LAMA3: variants seen among roughly 807,000 people sequenced by gnomAD.
LAMA3 encodes the protein laminin subunit alpha 3.
In LAMA3, 281 loss-of-function variants were observed where a neutral mutation model predicts 402.0. The ratio of observed to expected loss-of-function variants is 0.70; its 90% CI spans 0.63 to 0.77. LAMA3 has a LOEUF of 0.77. Ranked by LOEUF, LAMA3 falls within the 30% of genes least tolerant of loss-of-function variation. LAMA3 has a pLI of 0.00. For synonymous variants in LAMA3, 1,431 were observed against 1,558.4 expected, an observed-to-expected ratio of 0.92 and a Z score of 1.93; for missense variants, 3,840 against 4,215.5, an observed-to-expected ratio of 0.91 and a Z score of 2.47.
chr18:23,912,884 A>G lies in LAMA3; in HGVS notation c.7329+3A>G, dbSNP rs1254975133. 1.2e-6 allele frequency: 2 copies of G among 1,611,924 alleles called. No individual in the cohort carries two copies. The highest frequency in any genetic ancestry group is 1.3e-5 in the African/African-American group (1 of 74,918). On this transcript the variant is annotated splice_donor_region_variant and intron_variant, in intron 56 of 74. Coordinates refer to ENST00000313654, the MANE Select transcript of LAMA3 (RefSeq NM_198129.4). ...TGATGTACCTTGGAAATAAAGATGTAAGTATTGCTTGGACATCTCTCTTGT... is the reference window on the plus strand; with the variant it reads ...TGATGTACCTTGGAAATAAAGATGTGAGTATTGCTTGGACATCTCTCTTGT...
At chr18:23,751,194 T>G (rs549308329) in intron 5 of LAMA3, 106 bp downstream of exon 5, 18 of 1,065,494 alleles carry the variant, frequency 1.7e-5, no homozygotes, top group Non-Finnish European at 2.6e-5. Flanking sequence ...CCTGTAATGA[T>G]GTAGGTGTGG....
intron 51 of LAMA3, among the ~76,000 whole-genome samples, chr18:23,904,973 C>G (rs2081195356): frequency 6.6e-6 from 1 of 152,180 alleles, no homozygotes; most frequent in East Asian, 1.9e-4. Context: ...ACCAGGTATG[C>G]TTCTATGCTG....
Position 23,827,315 on chromosome 18 carries a change from T to C in LAMA3, c.2671T>C (p.Cys891Arg). ...CCATTGTTGTTGCTGTTGTTGAAGT[T>C]GCTTACTCTACCAGCATTTGCCAGT... ...CAYAGPPQEN[C>R]LLYQHLPVTR... The change falls in exon 23 of 75, where the codon TGC becomes CGC. Residue 891 changes from cysteine to arginine, a missense_variant and splice_region_variant. Physicochemically the swap from Cys to Arg is radical, Grantham distance 180. Around this residue, in one of 3 missense-constraint regions of LAMA3, gnomAD observed 2,109 missense variants for 2,376.0 expected, o/e 0.89. Coordinates refer to ENST00000313654, the MANE Select transcript of LAMA3 (RefSeq NM_198129.4). 1 of 1,614,208 alleles carries C rather than the reference T, an allele frequency of 6.2e-7. No homozygotes were observed. The highest frequency in any genetic ancestry group is 8.5e-7 in the Non-Finnish European group (1 of 1,180,020).
At chr18:23,710,481 C>T (rs549371902) in intron 1 of LAMA3, among the ~76,000 whole-genome samples, 1 of 152,290 alleles carries the variant, frequency 6.6e-6, no homozygotes, top group African/African-American at 2.4e-5. Context: ...AGCATGTCCA[C>T]GTCGACTTAA....
At chr18:23,895,686 T>C (rs1304350321) in intron 44 of LAMA3, among the ~76,000 whole-genome samples, 1 of 152,232 alleles carries the variant, frequency 6.6e-6, no homozygotes, top group Non-Finnish European at 1.5e-5. Context: ...TTATGACTTA[T>C]CTCTTTCTCT....
chr18:23,729,962 C>T (rs1034524922), intron 2 of LAMA3, among the ~76,000 whole-genome samples: 4 of 152,244 alleles, frequency 2.6e-5, no homozygotes, highest in African/African-American at 9.6e-5. Context: ...CTGTCCCTCT[C>T]GCAGGATGCT....
At chr18:23,855,623 T>C (rs1410915558) in intron 32 of LAMA3, among the ~76,000 whole-genome samples, 2 of 152,188 alleles carry the variant, frequency 1.3e-5, no homozygotes, top group South Asian at 2.1e-4. Context: ...TGTGTGTATA[T>C]GAGAATGAGT....
rs2063342475 is a variant in LAMA3 at position 23,824,436 on chromosome 18, C to G, written c.2442C>G (p.Ser814Arg). The change falls in exon 21 of 75, where the codon AGC becomes AGG. Residue 814 changes from serine (S) to arginine (R), a missense_variant. This residue lies in a region of LAMA3 where 2,109 missense variants were observed against 2,376.0 expected (regional missense o/e 0.89). Transcript: ENST00000313654. ...TIYPSWGAAQ[S>R]KEIIFLPSKE... Reference sequence around the variant, plus strand: ...TATTTCTGATAGGTGCTGCTCAAAGCAAAGAGATCATCTTCCTGCCGAGTA... The same window carrying G: ...TATTTCTGATAGGTGCTGCTCAAAGGAAAGAGATCATCTTCCTGCCGAGTA... 1 of 1,614,108 alleles carries G rather than the reference C, an allele frequency of 6.2e-7. No individual in the cohort carries two copies. The highest frequency in any genetic ancestry group is 8.5e-7 in the Non-Finnish European group (1 of 1,179,970).
intron 27 of LAMA3, among the ~76,000 whole-genome samples, chr18:23,840,631 C>G (rs577228413): frequency 1.3e-5 from 2 of 151,934 alleles, no homozygotes; most frequent in East Asian, 3.9e-4. Flanking sequence ...TTTTGTATCC[C>G]CCACTGCACC....
chr18:23,835,429 A>G (rs1271155657), intron 24 of LAMA3, among the ~76,000 whole-genome samples: 1 of 152,206 alleles, frequency 6.6e-6, no homozygotes, highest in Non-Finnish European at 1.5e-5. Context: ...CTTTCTGGGC[A>G]CCATGGGTGT....
At chr18:23,893,126 G>T (rs1399665846) in intron 42 of LAMA3, among the ~76,000 whole-genome samples, 1 of 152,108 alleles carries the variant, frequency 6.6e-6, no homozygotes, top group Non-Finnish European at 1.5e-5. Flanking sequence ...TAAAATGTCT[G>T]TATATACACA....
chr18:23,903,191 G>C, intron 49 of LAMA3, 66 bp downstream of exon 49: 1 of 981,344 alleles, frequency 1.0e-6, no homozygotes, highest in Non-Finnish European at 1.7e-6. Flanking sequence ...AGAAAACAAT[G>C]AAATGGGCTG....
chr18:23,846,136 G>C (rs568071167), intron 30 of LAMA3, among the ~76,000 whole-genome samples, 161 bp from the exon 31 acceptor site: 1 of 152,072 alleles, frequency 6.6e-6, no homozygotes, highest in Non-Finnish European at 1.5e-5. Context: ...GGCTGTCACC[G>C]GCTGAGTCTG....
At chr18:23,765,739 A>G (rs746296290) in intron 8 of LAMA3, among the ~76,000 whole-genome samples, 1 of 151,986 alleles carries the variant, frequency 6.6e-6, no homozygotes, top group Non-Finnish European at 1.5e-5. Flanking sequence ...TGAAAAGATA[A>G]TAAATATCAG....
Position 23,951,942 on chromosome 18 carries a change from C to T in LAMA3, c.9736+165C>T, listed in dbSNP as rs11873358. On this transcript the variant is annotated intron_variant, in intron 73 of 74. Coordinates refer to ENST00000313654, the MANE Select transcript of LAMA3 (RefSeq NM_198129.4). ...CACAACCCCAGCCATGCTTCCGTCACTCATGGTTGCCACCTCCAGTTCTCC... is the reference window on the plus strand; with the variant it reads ...CACAACCCCAGCCATGCTTCCGTCATTCATGGTTGCCACCTCCAGTTCTCC... Among the ~76,000 whole-genome samples the T allele has an allele frequency of 0.51, 78,098 of 152,122 alleles. 22,808 individuals carry two copies. Among genetic ancestry groups the T allele is most frequent in the Non-Finnish European group, 0.67 (45,841 of 67,988 alleles).
Position 23,916,403 on chromosome 18 carries a change from A to G in LAMA3, c.7779-148A>G. The G allele has an allele frequency of 4.7e-6, 4 of 846,142 alleles. No homozygotes were observed. In the Admixed American group the frequency reaches 7.3e-5, roughly 15 times the overall value. 52.4% of individuals were successfully genotyped at this position (846,142 alleles called of 1,614,324 possible). ...AGCTGGCTGCCTTAACATTTTAAAGATGTCTCCTCTGCTTTAACAAAATTA... is the reference window on the plus strand; with the variant it reads ...AGCTGGCTGCCTTAACATTTTAAAGGTGTCTCCTCTGCTTTAACAAAATTA... On this transcript the variant is annotated intron_variant, in intron 59 of 74. Transcript: ENST00000313654.
At chr18:23,770,786 A>C (rs1332931238) in intron 8 of LAMA3, among the ~76,000 whole-genome samples, 3 of 152,096 alleles carry the variant, frequency 2.0e-5, no homozygotes, top group Non-Finnish European at 2.9e-5. Flanking sequence ...CAAAACAAAA[A>C]AAAGAGCTTA....
intron 39 of LAMA3, 79 bp downstream of exon 39, chr18:23,876,486 C>A (rs934374522): frequency 3.3e-6 from 3 of 920,668 alleles, no homozygotes; most frequent in Admixed American, 1.8e-5. Flanking sequence ...CCAAAGACAT[C>A]AACATTACAT....
At chr18:23,866,147 A>G (rs2064351398) in intron 36 of LAMA3, among the ~76,000 whole-genome samples, 1 of 152,240 alleles carries the variant, frequency 6.6e-6, no homozygotes, top group African/African-American at 2.4e-5. Context: ...TGCCTGGCAC[A>G]CAATCCAGTG....
Sources: allele counts gnomAD v4.1 joint callset (sites outside exome capture counted in the v4.1 genomes callset), GRCh38; gene constraint gnomAD v4.1.1; regional missense constraint gnomAD v4.1.1; transcripts MANE v1.5; gene names NCBI Gene and HGNC (gene_info 2026-07-23, HGNC 2026-07-21).